MPPED2: variants seen among roughly 807,000 people sequenced by gnomAD.
MPPED2 encodes metallophosphoesterase domain containing 2.
Under a neutral mutation model 33.0 loss-of-function variants are expected in MPPED2, and 5 were observed. The observed-to-expected ratio is 0.15, with a 90% CI of 0.08 to 0.32. The LOEUF (loss-of-function observed/expected upper bound fraction) is 0.32, where lower values mean the gene tolerates loss of function less well. Ranked by LOEUF, MPPED2 falls within the 10% of genes least tolerant of loss-of-function variation. MPPED2 has a pLI of 1.00. For synonymous variants in MPPED2, 136 were observed against 141.9 expected, an observed-to-expected ratio of 0.96 and a Z score of 0.29; for missense variants, 275 against 372.1, an observed-to-expected ratio of 0.74 and a Z score of 2.15.
At chr11:30,507,222 T>C (rs1300795508) in intron 3 of MPPED2, among the ~76,000 whole-genome samples, 1 of 152,240 alleles carries the variant, frequency 6.6e-6, no homozygotes, top group Non-Finnish European at 1.5e-5. Flanking sequence ...ATGCAATTAC[T>C]GCAAACAAAC....
intron 2 of MPPED2, among the ~76,000 whole-genome samples, chr11:30,541,741 C>T (rs529892219): frequency 9.2e-5 from 14 of 152,224 alleles, no homozygotes; most frequent in South Asian, 6.2e-4. Context: ...TACAGGCATG[C>T]GCCACCACGC....
At chr11:30,408,419 C>T (rs1948023914), downstream of MPPED2, among the ~76,000 whole-genome samples, 1 of 152,224 alleles carries the variant, frequency 6.6e-6, no homozygotes. Flanking sequence ...TCAAGTGATT[C>T]TCCTACCTCA....
intron 4 of MPPED2, among the ~76,000 whole-genome samples, chr11:30,442,424 G>C (rs924337961): frequency 6.6e-6 from 1 of 152,206 alleles, no homozygotes; most frequent in Admixed American, 6.5e-5. Context: ...GGACAGCAGG[G>C]AAAACGGGAG....
intron 3 of MPPED2, among the ~76,000 whole-genome samples, chr11:30,495,811 G>A (rs528303465): frequency 6.6e-6 from 1 of 152,108 alleles, no homozygotes; most frequent in Admixed American, 6.5e-5. Flanking sequence ...AATCCACAGG[G>A]TAATGAATCC....
intron 6 of MPPED2, among the ~76,000 whole-genome samples, chr11:30,404,421 G>A (rs1947957080): frequency 6.6e-6 from 1 of 152,196 alleles, no homozygotes; most frequent in Non-Finnish European, 1.5e-5. Flanking sequence ...ATTTCATAGA[G>A]TAAATTAAAA....
At chr11:30,447,214 C>A (rs1949851760) in intron 4 of MPPED2, among the ~76,000 whole-genome samples, 1 of 152,286 alleles carries the variant, frequency 6.6e-6, no homozygotes, top group South Asian at 2.1e-4. Flanking sequence ...AAAAGCCATC[C>A]TAGGCTGCTG....
chr11:30,418,710 G>C (rs1269275949), intron 4 of MPPED2, among the ~76,000 whole-genome samples: 3 of 152,198 alleles, frequency 2.0e-5, no homozygotes, highest in Non-Finnish European at 2.9e-5. Context: ...AAATGAAAGA[G>C]GTAAACCTGT....
chr11:30,500,780 G>T (rs1194788753), intron 3 of MPPED2, among the ~76,000 whole-genome samples: 1 of 152,144 alleles, frequency 6.6e-6, no homozygotes, highest in Non-Finnish European at 1.5e-5. Context: ...TTGACCCAAA[G>T]TACCTAGTCC....
At chr11:30,512,461 G>A (rs1953268648) in intron 3 of MPPED2, among the ~76,000 whole-genome samples, 1 of 151,562 alleles carries the variant, frequency 6.6e-6, no homozygotes, top group Admixed American at 6.6e-5. Context: ...TTATGAAGAA[G>A]TTTGAATTTA....
intron 2 of MPPED2, 119 bp downstream of exon 2, chr11:30,580,127 T>G (rs1957098552): frequency 1.0e-6 from 1 of 991,414 alleles, no homozygotes; most frequent in African/African-American, 1.6e-5. Flanking sequence ...GATATCCATC[T>G]GATTTGTAAA....
At chr11:30,553,713 C>T (rs1332413831) in intron 2 of MPPED2, among the ~76,000 whole-genome samples, 1 of 152,126 alleles carries the variant, frequency 6.6e-6, no homozygotes. Flanking sequence ...AGAGCTGGGC[C>T]TGAATTCTGA....
chr11:30,417,486 G>T, intron 5 of MPPED2, 32 bp downstream of exon 5: 3 of 1,290,186 alleles, frequency 2.3e-6, no homozygotes, highest in South Asian at 1.2e-5. Context: ...AAAGGCATCT[G>T]GATGACAAAG....
chr11:30,536,395 T>C (rs1263290129), intron 2 of MPPED2, among the ~76,000 whole-genome samples: 2 of 152,088 alleles, frequency 1.3e-5, no homozygotes, highest in Non-Finnish European at 2.9e-5. Context: ...ACTTACCTGG[T>C]AGGAAAATTA....
At chr11:30,559,794 G>A (rs779412731) in intron 2 of MPPED2, among the ~76,000 whole-genome samples, 1 of 152,094 alleles carries the variant, frequency 6.6e-6, no homozygotes, top group Admixed American at 6.5e-5. Context: ...CACCTACACT[G>A]TGTTGGTATA....
At chr11:30,407,156 A>G (rs1948003769), downstream of MPPED2, among the ~76,000 whole-genome samples, 1 of 152,226 alleles carries the variant, frequency 6.6e-6, no homozygotes, top group Admixed American at 6.5e-5. Flanking sequence ...AAGGCTGGCC[A>G]CCTGTCAGAA....
At chr11:30,430,269 C>T (rs767305962) in intron 4 of MPPED2, among the ~76,000 whole-genome samples, 6 of 151,868 alleles carry the variant, frequency 4.0e-5, no homozygotes, top group Non-Finnish European at 7.4e-5. Context: ...ACTGAGCACC[C>T]GAGATGTAGC....
intron 4 of MPPED2, among the ~76,000 whole-genome samples, chr11:30,442,952 C>A (rs1423832053): frequency 1.3e-5 from 2 of 152,078 alleles, no homozygotes; most frequent in Non-Finnish European, 2.9e-5. Context: ...ATGATCACAC[C>A]ACTGCACGCC....
intron 1 of MPPED2, among the ~76,000 whole-genome samples, chr11:30,583,436 A>C (rs1957289492): frequency 6.6e-6 from 1 of 152,152 alleles, no homozygotes; most frequent in Admixed American, 6.5e-5. Context: ...CACAAAACAA[A>C]GGAACCCAGG....
chr11:30,477,256 T>A (rs139210195), intron 4 of MPPED2, among the ~76,000 whole-genome samples: 96 of 152,142 alleles, frequency 6.3e-4, no homozygotes, highest in African/African-American at 2.0e-3. Context: ...AGGACCTTCA[T>A]AACAATGGTA....
Sources: gnomAD v4.1 joint callset for allele counts (sites outside exome capture counted in the v4.1 genomes callset) on GRCh38, gnomAD v4.1.1 for gene constraint, MANE v1.5 for transcripts, NCBI Gene and HGNC (gene_info 2026-07-23, HGNC 2026-07-21) for gene names.